The following AHCYL2 variants were observed in gnomAD, a reference collection of about 807,000 sequenced individuals.
The protein encoded by AHCYL2 is adenosylhomocysteinase like 2, also known as S-adenosylhomocysteine hydrolase-like protein 2.
A neutral mutation model predicts 81.4 loss-of-function variants in AHCYL2; 28 were observed. That is an observed-to-expected ratio of 0.34 (90% CI 0.25 to 0.47). The LOEUF (loss-of-function observed/expected upper bound fraction) is 0.47, where lower values mean the gene tolerates loss of function less well. Among genes scored for constraint, AHCYL2 ranks in the 20% least tolerant of loss-of-function variants. The probability of loss-of-function intolerance (pLI) is 1.00; values close to 1 mark genes in which losing one functional copy is unlikely to be tolerated. For synonymous variants in AHCYL2, 272 were observed against 290.2 expected, an observed-to-expected ratio of 0.94 and a Z score of 0.64; for missense variants, 551 against 785.1, an observed-to-expected ratio of 0.70 and a Z score of 3.56.
Position 129,368,432 on chromosome 7 carries a change from CCCCAGTATTT to C in AHCYL2, c.364-11203_364-11194del, listed in dbSNP as rs1407674211. 6.2e-7 allele frequency: 1 copy of C among 1,613,240 alleles called. No homozygotes were observed. Among genetic ancestry groups the C allele is most frequent in the African/African-American group, 1.3e-5 (1 of 74,916 alleles). On this transcript the variant is annotated intron_variant, in intron 1 of 16. Transcript: ENST00000325006. The surrounding 1 kb of genome is among the most constrained non-coding windows in gnomAD (Gnocchi z 4.4). Reference sequence around the variant, plus strand: ...GGTCTGCTTTGGGGCACTCAGATAACCCCAGTATTTCCAAACCAGCTTTCCCTTTTGCTTC... The same window carrying C: ...GGTCTGCTTTGGGGCACTCAGATAACCCAAACCAGCTTTCCCTTTTGCTTC...
intron 1 of AHCYL2, among the ~76,000 whole-genome samples, chr7:129,346,503 T>C (rs1793366557): frequency 6.6e-6 from 1 of 152,250 alleles, no homozygotes; most frequent in Admixed American, 6.5e-5. Flanking sequence ...AAAGAAGATA[T>C]ATAGATGTCA....
chr7:129,309,344 GTC>G (rs950063384), intron 1 of AHCYL2, among the ~76,000 whole-genome samples: 16 of 152,144 alleles, frequency 1.1e-4, no homozygotes, highest in African/African-American at 3.6e-4. Flanking sequence ...TTTGAGATCA[GTC>G]TAGAAAACAT....
rs1379135615 is a variant in AHCYL2, at chr7:129,429,792, C to T, written c.*2747C>T. Reference sequence around the variant, plus strand: ...ATCCTACTTGCCCATATGAGCACGGCTCCCCATGGCCACATACTCCTGCAA... The same window carrying T: ...ATCCTACTTGCCCATATGAGCACGGTTCCCCATGGCCACATACTCCTGCAA... On this transcript the variant is annotated 3_prime_UTR_variant, in exon 17 of 17. Coordinates refer to ENST00000325006, the MANE Select transcript of AHCYL2 (RefSeq NM_015328.4). 6.6e-6 allele frequency: 1 copy of T among 152,620 alleles called. No individual in the cohort carries two copies. Among genetic ancestry groups the T allele is most frequent in the African/African-American group, 2.4e-5 (1 of 41,438 alleles). The allele number at this position is 152,620 out of a possible 1,614,324, so 9.5% of individuals were successfully genotyped here. A position where few individuals can be genotyped will look rare whatever the true frequency, so the allele number is the denominator to read the frequency against.
In AHCYL2 at chr7:129,368,562, T is replaced by C. The variant is rs757179007; in HGVS notation, c.364-11076T>C. The C allele has an allele frequency of 1.2e-6, 2 of 1,614,002 alleles. No individual in the cohort carries two copies. The highest frequency in any genetic ancestry group is 8.5e-7 in the Non-Finnish European group (1 of 1,179,864). On this transcript the variant is annotated intron_variant, in intron 1 of 16. Transcript: ENST00000325006. This position sits in a 1 kb window ranked among gnomAD's most constrained non-coding sequence, Gnocchi z 4.4. ...ATGCCTGAGTGGATGGTGAGTTCAC[T>C]GGTCGTTTTGTTTCTCCTTCTGTTT... is the stretch of plus-strand genomic sequence containing the variant.
chr7:129,359,731 A>G (rs1235586385), intron 1 of AHCYL2, among the ~76,000 whole-genome samples: 1 of 152,204 alleles, frequency 6.6e-6, no homozygotes, highest in Non-Finnish European at 1.5e-5. Context: ...TAGAGGTGCT[A>G]ACTATGCAGC....
At chr7:129,410,497 C>T in intron 11 of AHCYL2, 1 of 1,013,802 alleles carries the variant, frequency 9.9e-7, no homozygotes, top group Non-Finnish European at 1.5e-6. Flanking sequence ...GTTCCAGCTA[C>T]AGAGTTAAAA....
chr7:129,273,586 C>G (rs1418069223), intron 1 of AHCYL2, among the ~76,000 whole-genome samples: 1 of 151,984 alleles, frequency 6.6e-6, no homozygotes, highest in East Asian at 1.9e-4. Context: ...CCTCGGCCTC[C>G]CAAAGTGCTG....
intron 11 of AHCYL2, 138 bp downstream of exon 11, chr7:129,409,684 TCAC>T (rs1796472975): frequency 7.4e-6 from 5 of 679,932 alleles, no homozygotes; most frequent in African/African-American, 7.3e-5. Context: ...AGCCAGTCTT[TCAC>T]ATTCTTCCTA....
intron 1 of AHCYL2, among the ~76,000 whole-genome samples, chr7:129,327,154 G>A (rs1798253783): frequency 6.6e-6 from 1 of 152,146 alleles, no homozygotes; most frequent in South Asian, 2.1e-4. Flanking sequence ...TAGGAGGTGG[G>A]GCCTTTGGGA....
At chr7:129,400,246 T>C (rs776758767) in intron 5 of AHCYL2, 44 bp from the exon 6 acceptor site, 1 of 1,563,770 alleles carries the variant, frequency 6.4e-7, no homozygotes, top group Admixed American at 1.7e-5. Context: ...GGGGTCAGCC[T>C]TTTTTGGTCT....
chr7:129,339,573 G>A (rs1563202732), intron 1 of AHCYL2, among the ~76,000 whole-genome samples: 1 of 152,062 alleles, frequency 6.6e-6, no homozygotes, highest in African/African-American at 2.4e-5. Flanking sequence ...CATTTTTAGA[G>A]ACAGGATCTC....
intron 1 of AHCYL2, among the ~76,000 whole-genome samples, chr7:129,322,147 TTTTG>T (rs760912107): frequency 1.2e-4 from 18 of 151,504 alleles, no homozygotes; most frequent in East Asian, 3.9e-4. Flanking sequence ...AGGTAAGGTT[TTTTG>T]TTTGTTTGTT....
intron 1 of AHCYL2, among the ~76,000 whole-genome samples, chr7:129,339,665 A>G (rs536360197): frequency 5.0e-4 from 75 of 150,904 alleles, no homozygotes; most frequent in African/African-American, 1.8e-3. Flanking sequence ...TCTGGTAGCT[A>G]GGATTACAGG....
intron 1 of AHCYL2, among the ~76,000 whole-genome samples, chr7:129,229,091 G>A (rs1310613084): frequency 1.4e-5 from 2 of 144,072 alleles, no homozygotes; most frequent in African/African-American, 5.3e-5. Flanking sequence ...TTTTGAGACA[G>A]AGTTTTACTC....
At chr7:129,330,078 G>A (rs1798364271) in intron 1 of AHCYL2, among the ~76,000 whole-genome samples, 2 of 152,168 alleles carry the variant, frequency 1.3e-5, no homozygotes, top group Non-Finnish European at 2.9e-5. Context: ...GATCATAGGT[G>A]AGCTTGAGCT....
In AHCYL2 at chr7:129,368,938, A is replaced by T. The variant is rs571855878; in HGVS notation, c.364-10700A>T. Among the ~76,000 whole-genome samples the T allele has an allele frequency of 2.0e-5, 3 of 152,358 alleles. No individual in the cohort carries two copies. The highest frequency in any genetic ancestry group is 7.2e-5 in the African/African-American group (3 of 41,586). On this transcript the variant is annotated intron_variant, in intron 1 of 16. Coordinates refer to ENST00000325006, the MANE Select transcript of AHCYL2 (RefSeq NM_015328.4). The surrounding 1 kb of genome is among the most constrained non-coding windows in gnomAD (Gnocchi z 4.4). ...AACAATGAGGAGAAAAAACAAAAAC[A>T]GAACTTACAGAAATGGTGCTCTCTG... is the stretch of plus-strand genomic sequence containing the variant.
intron 1 of AHCYL2, among the ~76,000 whole-genome samples, chr7:129,339,916 C>CTTTTTT (rs774989478): frequency 4.7e-4 from 49 of 104,534 alleles, no homozygotes; most frequent in African/African-American, 1.2e-3. Flanking sequence ...TTCCTCTGCT[C>CTTTTTT]TTTTTTTTTT....
At chr7:129,356,175 T>C (rs933508711) in intron 1 of AHCYL2, among the ~76,000 whole-genome samples, 1 of 152,226 alleles carries the variant, frequency 6.6e-6, no homozygotes, top group Non-Finnish European at 1.5e-5. Flanking sequence ...AGTGATAATC[T>C]GGAAATCCAG....
chr7:129,251,863 C>A (rs566419526), intron 1 of AHCYL2, among the ~76,000 whole-genome samples: 5 of 152,220 alleles, frequency 3.3e-5, no homozygotes, highest in Admixed American at 6.5e-5. Context: ...TGTCACACTG[C>A]CTTCTGAGTT....
Sources: gnomAD v4.1 joint callset for allele counts (sites outside exome capture counted in the v4.1 genomes callset) on GRCh38, gnomAD v4.1.1 for gene constraint, Gnocchi (gnomAD v3.1) non-coding constraint, MANE v1.5 for transcripts, NCBI Gene and HGNC (gene_info 2026-07-23, HGNC 2026-07-21) for gene names.